CFAP61: variants seen among roughly 807,000 people sequenced by gnomAD.
CFAP61 encodes the protein cilia and flagella associated protein 61, also known as cilia- and flagella-associated protein 61.
Under a neutral mutation model 135.6 loss-of-function variants are expected in CFAP61, and 107 were observed. The ratio of observed to expected loss-of-function variants is 0.79; its 90% CI spans 0.67 to 0.93. The LOEUF (loss-of-function observed/expected upper bound fraction) is 0.93, where lower values mean the gene tolerates loss of function less well. CFAP61 is among the 40% of genes least tolerant of loss of function. CFAP61 has a pLI of 0.00. For synonymous variants in CFAP61, 575 were observed against 578.5 expected, an observed-to-expected ratio of 0.99 and a Z score of 0.09; for missense variants, 1,507 against 1,556.2, an observed-to-expected ratio of 0.97 and a Z score of 0.53.
At chr20:20,221,220 A>C (rs2048376633) in intron 17 of CFAP61, 1 of 152,208 alleles carries the variant, frequency 6.6e-6, no homozygotes, top group African/African-American at 2.4e-5. Flanking sequence ...AAGGAGAGAC[A>C]TGGAGCCATT....
intron 22 of CFAP61, among the ~76,000 whole-genome samples, chr20:20,285,656 G>A (rs922745531): frequency 2.0e-5 from 3 of 152,008 alleles, no homozygotes; most frequent in African/African-American, 4.8e-5. Flanking sequence ...AGTGGCTCAC[G>A]CCTATAAACC....
intron 24 of CFAP61, among the ~76,000 whole-genome samples, chr20:20,296,435 CTCCTTCCTTCCCTCCT>C (rs1356631492): frequency 7.5e-6 from 1 of 132,902 alleles, no homozygotes; most frequent in African/African-American, 2.8e-5. Flanking sequence ...TCCTCCCTCC[CTCCTTCCTTCCCTCCT>C]TCCTGCCTTC....
In CFAP61 at chr20:20,303,995, G is replaced by C. The variant is rs966275774; in HGVS notation, c.3422+5609G>C. ...CCAATGGGAACGGTGGCAGCCCTGC[G>C]GGTCAGATGTTGCTGTGGTAGCCGA... is the stretch of plus-strand genomic sequence containing the variant. On this transcript the variant is annotated intron_variant, in intron 25 of 26. Coordinates refer to ENST00000245957, the MANE Select transcript of CFAP61 (RefSeq NM_015585.4). Among the ~76,000 whole-genome samples, 11 of 152,220 alleles carry C rather than the reference G, an allele frequency of 7.2e-5. 2 individuals carry two copies. In the South Asian group the frequency reaches 2.3e-3, roughly 32 times the overall value.
chr20:20,355,986 C>T (rs199564456), intron 26 of CFAP61, among the ~76,000 whole-genome samples: 1 of 96,558 alleles, frequency 1.0e-5, no homozygotes, highest in African/African-American at 5.1e-5. Context: ...TGTGAGGGGA[C>T]GTCACACTGT....
intron 22 of CFAP61, among the ~76,000 whole-genome samples, chr20:20,287,775 C>T (rs923109180): frequency 5.3e-5 from 8 of 152,278 alleles, no homozygotes; most frequent in East Asian, 1.9e-4. Context: ...ATCAATTGAG[C>T]GTGTTTCAAT....
chr20:20,283,711 T>C (rs2054366975), intron 22 of CFAP61, among the ~76,000 whole-genome samples: 1 of 152,238 alleles, frequency 6.6e-6, no homozygotes, highest in Non-Finnish European at 1.5e-5. Flanking sequence ...TCCTTGCAGC[T>C]GAGGACAGAG....
At chr20:20,233,026 A>G (rs977563964) in intron 18 of CFAP61, 7 of 152,142 alleles carry the variant, frequency 4.6e-5, no homozygotes, top group Admixed American at 6.5e-5. Context: ...TGATCCCCTC[A>G]TCTGGTTGAA....
intron 8 of CFAP61, among the ~76,000 whole-genome samples, chr20:20,105,623 T>C (rs749281119): frequency 5.3e-5 from 8 of 150,194 alleles, no homozygotes; most frequent in Non-Finnish European, 1.2e-4. Context: ...AAATTTGAAT[T>C]ATTTATTTAT....
chr20:20,320,414 TATATATTATATATGTAATATA>T (rs2057414076), intron 25 of CFAP61, among the ~76,000 whole-genome samples: 1 of 98,106 alleles, frequency 1.0e-5, no homozygotes, highest in Admixed American at 1.3e-4. Context: ...ATATATGTAA[TATATATTATATATGTAATATA>T]ATATATGTAA....
intron 12 of CFAP61, among the ~76,000 whole-genome samples, chr20:20,167,251 G>C (rs1162383081): frequency 6.6e-6 from 1 of 152,128 alleles, no homozygotes; most frequent in African/African-American, 2.4e-5. Flanking sequence ...ACTATGTGAT[G>C]TTAGGTTTTA....
At chr20:20,108,853 G>C (rs919801516) in intron 8 of CFAP61, among the ~76,000 whole-genome samples, 3 of 152,168 alleles carry the variant, frequency 2.0e-5, no homozygotes, top group African/African-American at 4.8e-5. Flanking sequence ...AACATCCACT[G>C]ATATCAGGAA....
chr20:20,296,270 C>T (rs1206461281), intron 24 of CFAP61, among the ~76,000 whole-genome samples: 2 of 56,652 alleles, frequency 3.5e-5, no homozygotes, highest in Admixed American at 1.7e-4. Context: ...CTTCACCCCT[C>T]CCCCTTCCCT....
chr20:20,304,799 C>T (rs2056363833), intron 25 of CFAP61, among the ~76,000 whole-genome samples: 1 of 152,046 alleles, frequency 6.6e-6, no homozygotes, highest in African/African-American at 2.4e-5. Context: ...GAGGCGGCTT[C>T]TTGAGATGCC....
rs578163766 is a variant in CFAP61, at chr20:20,070,433, G to A, written c.144-421G>A. Reference sequence around the variant, plus strand: ...TGCCCAGGACTTTCATTTTTTTAATGCCATGAAAGTCCTATATCTTGGGCA... The same window carrying A: ...TGCCCAGGACTTTCATTTTTTTAATACCATGAAAGTCCTATATCTTGGGCA... On this transcript the variant is annotated intron_variant, in intron 2 of 26. Transcript: ENST00000245957. Among the ~76,000 whole-genome samples the A allele has an allele frequency of 3.3e-5, 5 of 152,156 alleles. No individual in the cohort carries two copies. In the East Asian group the frequency reaches 7.7e-4, roughly 24 times the overall value.
intron 26 of CFAP61, among the ~76,000 whole-genome samples, chr20:20,347,100 T>C (rs1036604295): frequency 2.6e-5 from 4 of 152,094 alleles, no homozygotes; most frequent in Non-Finnish European, 5.9e-5. Flanking sequence ...AGAAGGAAGA[T>C]TGGAAAAATT....
chr20:20,055,739 G>A (rs1209031951), intron 1 of CFAP61, among the ~76,000 whole-genome samples: 1 of 152,108 alleles, frequency 6.6e-6, no homozygotes, highest in Non-Finnish European at 1.5e-5. Flanking sequence ...TTTAAAACCA[G>A]AACAAGGAAT....
At chr20:20,121,025 A>C (rs756403894) in intron 8 of CFAP61, among the ~76,000 whole-genome samples, 1 of 151,916 alleles carries the variant, frequency 6.6e-6, no homozygotes, top group Admixed American at 6.6e-5. Context: ...TTAATAGGTG[A>C]AATAGGTTTC....
intron 14 of CFAP61, among the ~76,000 whole-genome samples, chr20:20,188,600 A>G (rs2055682864): frequency 6.6e-6 from 1 of 152,228 alleles, no homozygotes; most frequent in African/African-American, 2.4e-5. Flanking sequence ...TAATGCATGT[A>G]TGTGCTATGG....
intron 8 of CFAP61, among the ~76,000 whole-genome samples, chr20:20,106,167 C>T (rs920422100): frequency 1.3e-5 from 2 of 151,718 alleles, no homozygotes; most frequent in African/African-American, 4.8e-5. Flanking sequence ...AGAGTTTAGA[C>T]TCTTTCAGGG....
Sources: allele counts gnomAD v4.1 joint callset (sites outside exome capture counted in the v4.1 genomes callset), GRCh38; gene constraint gnomAD v4.1.1; transcripts MANE v1.5; gene names NCBI Gene and HGNC (gene_info 2026-07-23, HGNC 2026-07-21).